Variants in DNAJC24 observed in about 807,000 individuals in gnomAD.
DNAJC24 encodes the protein dnaJ homolog subfamily C member 24.
In DNAJC24, 17 loss-of-function variants were observed where a neutral mutation model predicts 18.0. The observed-to-expected ratio is 0.94, with a 90% confidence interval of 0.65 to 1.42. The LOEUF (loss-of-function observed/expected upper bound fraction) is 1.42, where lower values mean the gene tolerates loss of function less well. Ranked by LOEUF, DNAJC24 falls within the 40% of genes most tolerant of loss-of-function variation. The pLI, the probability that DNAJC24 is intolerant of heterozygous loss-of-function variation, is 0.00. For synonymous variants in DNAJC24, 55 were observed against 57.7 expected, an observed-to-expected ratio of 0.95 and a Z score of 0.21; for missense variants, 158 against 175.6, an observed-to-expected ratio of 0.90 and a Z score of 0.57.
chr11:31,375,036 A>C lies in DNAJC24; in HGVS notation c.111+4177A>C, dbSNP rs1044045483. 3.7e-5 allele frequency among the ~76,000 whole-genome samples: 5 copies of C among 134,210 alleles called. 2 individuals are homozygous for C. The highest frequency in any genetic ancestry group is 8.6e-5 in the Non-Finnish European group (5 of 58,154). The allele number at this position is 134,210 out of a possible 152,430, so 88.0% of individuals were successfully genotyped here. A position where few individuals can be genotyped will look rare whatever the true frequency, so the allele number is the denominator to read the frequency against. On this transcript the variant is annotated intron_variant, in intron 2 of 4. Coordinates refer to ENST00000465995, the MANE Select transcript of DNAJC24 (RefSeq NM_181706.5). ...TTTCAGAGGGATGAAAGTGTGAGCCAGTTGCTGTGGTTCACACTTGTAATC... is the reference window on the plus strand; with the variant it reads ...TTTCAGAGGGATGAAAGTGTGAGCCCGTTGCTGTGGTTCACACTTGTAATC...
chr11:31,370,901 A>G (rs762106789), intron 2 of DNAJC24, 42 bp downstream of exon 2: 1 of 1,346,468 alleles, frequency 7.4e-7, no homozygotes. Context: ...AGGGGAAAAA[A>G]ATCAATTTTT....
At chr11:31,381,617 C>G (rs376418278) in intron 2 of DNAJC24, among the ~76,000 whole-genome samples, 5 of 151,232 alleles carry the variant, frequency 3.3e-5, no homozygotes, top group East Asian at 1.9e-4. Flanking sequence ...CTCTGTCACC[C>G]GAGCTGGAGT....
intron 2 of DNAJC24, among the ~76,000 whole-genome samples, chr11:31,393,537 G>A (rs1952517999): frequency 6.6e-6 from 1 of 152,054 alleles, no homozygotes; most frequent in South Asian, 2.1e-4. Flanking sequence ...TTAGAAAAGG[G>A]CAAGTTCAGT....
At chr11:31,406,125 T>C (rs1408129396) in intron 2 of DNAJC24, among the ~76,000 whole-genome samples, 1 of 152,226 alleles carries the variant, frequency 6.6e-6, no homozygotes, top group Non-Finnish European at 1.5e-5. Context: ...TGTATTCTTT[T>C]GAATGCATTC....
chr11:31,378,899 A>G (rs1952346688), intron 2 of DNAJC24, among the ~76,000 whole-genome samples: 1 of 152,134 alleles, frequency 6.6e-6, no homozygotes, highest in Non-Finnish European at 1.5e-5. Context: ...CCAATTCTTG[A>G]GGAATGTAAA....
At chr11:31,385,805 A>T (rs1266002670) in intron 2 of DNAJC24, among the ~76,000 whole-genome samples, 2 of 152,208 alleles carry the variant, frequency 1.3e-5, no homozygotes, top group African/African-American at 4.8e-5. Context: ...CTCTGCAGGA[A>T]CATCAAATTG....
At position 31,430,553 on chromosome 11, in the gene DNAJC24, TAGAG is replaced by T. The variant is rs376105211; in HGVS notation, c.*154_*157del. On this transcript the variant is annotated 3_prime_UTR_variant, in exon 5 of 5. Transcript: ENST00000465995. ...TCAAGCAGAGACCACCTCAGATTAA[TAGAG>T]AATGAATATAATTATTTATTTGTAT... 2.5e-6 allele frequency: 1 copy of T among 401,870 alleles called. No individual in the cohort carries two copies. The highest frequency in any genetic ancestry group is 2.1e-5 in the African/African-American group (1 of 48,472). The allele number at this position is 401,870 out of a possible 1,614,324, so 24.9% of individuals were successfully genotyped here.
chr11:31,413,750 A>G (rs1952731043), intron 2 of DNAJC24, among the ~76,000 whole-genome samples: 1 of 152,214 alleles, frequency 6.6e-6, no homozygotes, highest in Non-Finnish European at 1.5e-5. Flanking sequence ...AGAACCTGGT[A>G]AGCATCATGC....
At chr11:31,429,993 T>C in intron 4 of DNAJC24, 1 of 238,898 alleles carries the variant, frequency 4.2e-6, no homozygotes, top group Non-Finnish European at 8.0e-6. Context: ...ATAAGTTTCA[T>C]GGGTTACTTC....
chr11:31,422,695 C>T (rs1952818590), intron 3 of DNAJC24, among the ~76,000 whole-genome samples: 1 of 152,140 alleles, frequency 6.6e-6, no homozygotes, highest in South Asian at 2.1e-4. Flanking sequence ...ATTATTAAAG[C>T]TAATTACAGG....
intron 2 of DNAJC24, among the ~76,000 whole-genome samples, chr11:31,391,249 T>C (rs374421487): frequency 6.6e-6 from 1 of 152,160 alleles, no homozygotes; most frequent in East Asian, 1.9e-4. Context: ...TAGTATTATA[T>C]TGAATAGGGA....
At chr11:31,388,175 A>G (rs1232737167) in intron 2 of DNAJC24, among the ~76,000 whole-genome samples, 2 of 152,190 alleles carry the variant, frequency 1.3e-5, no homozygotes, top group African/African-American at 4.8e-5. Flanking sequence ...GGAGGTAGAG[A>G]GAGAGAGGCG....
chr11:31,392,773 G>C (rs1200456628), intron 2 of DNAJC24, among the ~76,000 whole-genome samples: 3 of 146,844 alleles, frequency 2.0e-5, no homozygotes, highest in African/African-American at 7.6e-5. Flanking sequence ...ACAATGGTGT[G>C]ATCTCAGCTC....
chr11:31,405,977 G>A (rs764229118), intron 2 of DNAJC24, among the ~76,000 whole-genome samples: 4 of 152,180 alleles, frequency 2.6e-5, no homozygotes, highest in Non-Finnish European at 4.4e-5. Flanking sequence ...ATTCATGAGG[G>A]CAGAGCAGTC....
intron 2 of DNAJC24, among the ~76,000 whole-genome samples, chr11:31,408,925 A>G (rs933210414): frequency 5.3e-5 from 8 of 152,202 alleles, no homozygotes; most frequent in African/African-American, 1.9e-4. Context: ...CACAGATACT[A>G]TCACTCTCAG....
chr11:31,376,691 A>G (rs1218607098), intron 2 of DNAJC24, among the ~76,000 whole-genome samples: 1 of 152,198 alleles, frequency 6.6e-6, no homozygotes, highest in African/African-American at 2.4e-5. Context: ...CTCGCATTAT[A>G]TCACACTTCT....
At chr11:31,385,218 A>G (rs1402305490) in intron 2 of DNAJC24, 1 of 152,224 alleles carries the variant, frequency 6.6e-6, no homozygotes. Flanking sequence ...TTATTATTAC[A>G]TAATAAAAAA....
At chr11:31,424,590 T>C (rs1295181986) in intron 3 of DNAJC24, among the ~76,000 whole-genome samples, 1 of 152,172 alleles carries the variant, frequency 6.6e-6, no homozygotes, top group Non-Finnish European at 1.5e-5. Flanking sequence ...AGCATACAGA[T>C]AGATTCTGCA....
chr11:31,426,738 C>A (rs1952866174), intron 4 of DNAJC24: 1 of 152,508 alleles, frequency 6.6e-6, no homozygotes, highest in Admixed American at 6.7e-5. Flanking sequence ...AAGATGAATT[C>A]CTATTAGAAT....
Sources: allele counts gnomAD v4.1 joint callset (sites outside exome capture counted in the v4.1 genomes callset), GRCh38; gene constraint gnomAD v4.1.1; transcripts MANE v1.5; gene names NCBI Gene and HGNC (gene_info 2026-07-23, HGNC 2026-07-21).